ITFG1: variants seen among roughly 807,000 people sequenced by gnomAD.
ITFG1 encodes T-cell immunomodulatory protein.
Under a neutral mutation model 81.8 loss-of-function variants are expected in ITFG1, and 34 were observed. That is an observed-to-expected ratio of 0.42 (90% CI 0.32 to 0.55). The LOEUF (loss-of-function observed/expected upper bound fraction) is 0.55, where lower values mean the gene tolerates loss of function less well. Among genes scored for constraint, ITFG1 ranks in the 20% least tolerant of loss-of-function variants. ITFG1 has a pLI of 0.17. For synonymous variants in ITFG1, 285 were observed against 270.6 expected (o/e 1.05, Z -0.52); for missense variants, 672 against 755.4 (o/e 0.89, Z 1.29).
At chr16:47,195,649 C>T (rs1267483770) in intron 14 of ITFG1, among the ~76,000 whole-genome samples, 1 of 152,172 alleles carries the variant, frequency 6.6e-6, no homozygotes, top group Non-Finnish European at 1.5e-5. Flanking sequence ...ATTTCTTGAT[C>T]AATGTCCTCA....
intron 12 of ITFG1, among the ~76,000 whole-genome samples, chr16:47,242,333 CA>C (rs60088139): frequency 1.0e-3 from 131 of 131,072 alleles, no homozygotes; most frequent in East Asian, 7.1e-3. Context: ...TGCAAATAAT[CA>C]AAAAAAAAAA....
chr16:47,223,482 T>C (rs1467189846), intron 13 of ITFG1, among the ~76,000 whole-genome samples: 5 of 152,306 alleles, frequency 3.3e-5, no homozygotes, highest in African/African-American at 4.8e-5. Flanking sequence ...CATCACTGGC[T>C]ATCAGAGAAA....
chr16:47,364,630 T>C (rs1030492640), intron 8 of ITFG1, among the ~76,000 whole-genome samples: 4 of 152,194 alleles, frequency 2.6e-5, no homozygotes, highest in Admixed American at 2.0e-4. Context: ...CATTAAAAAC[T>C]GTAAAGGCAA....
rs1227714189 is a variant in ITFG1, at chr16:47,352,342, G to A, written c.802+13446C>T. Among the ~76,000 whole-genome samples the A allele has an allele frequency of 2.6e-5, 4 of 152,070 alleles. No homozygotes were observed. The East Asian group carries it at 7.7e-4, about 29-fold the overall frequency. ...AGGGGTAATATCCCAAATCTACAAT[G>A]AACTCAAACAAATTTACAAGGAAAA... On this transcript the variant is annotated intron_variant, in intron 8 of 17. Coordinates refer to ENST00000320640, the MANE Select transcript of ITFG1 (RefSeq NM_030790.5).
intron 6 of ITFG1, among the ~76,000 whole-genome samples, chr16:47,412,123 C>T (rs1301454987): frequency 2.6e-5 from 4 of 152,094 alleles, no homozygotes; most frequent in Non-Finnish European, 5.9e-5. Flanking sequence ...ATCCAAACAA[C>T]AGCAAATTCA....
chr16:47,293,696 T>G (rs2151556063), intron 10 of ITFG1, among the ~76,000 whole-genome samples: 1 of 152,176 alleles, frequency 6.6e-6, no homozygotes, highest in Admixed American at 6.5e-5. Context: ...TTAAATGGGG[T>G]TACTTGTATT....
intron 5 of ITFG1, chr16:47,449,091 T>G (rs973184626): frequency 6.6e-6 from 1 of 152,198 alleles, no homozygotes; most frequent in Admixed American, 6.5e-5. Flanking sequence ...TATCTCAGAT[T>G]TGCATGTCTG....
intron 5 of ITFG1, among the ~76,000 whole-genome samples, chr16:47,445,354 A>G (rs1969311772): frequency 6.6e-6 from 1 of 152,024 alleles, no homozygotes; most frequent in South Asian, 2.1e-4. Flanking sequence ...TGTAAGGAAG[A>G]CAGCATTCTC....
upstream of ITFG1, chr16:47,461,143 G>T: frequency 8.2e-7 from 1 of 1,219,542 alleles, no homozygotes; most frequent in Non-Finnish European, 1.1e-6. Context: ...GCAGCCCCGG[G>T]ACGCGTAAGA....
intron 10 of ITFG1, among the ~76,000 whole-genome samples, chr16:47,280,038 A>T (rs571239632): frequency 1.3e-5 from 2 of 152,120 alleles, no homozygotes; most frequent in South Asian, 4.2e-4. Context: ...AATTTTCTAC[A>T]CCAACAATCA....
intron 8 of ITFG1, among the ~76,000 whole-genome samples, chr16:47,355,843 G>A (rs980158527): frequency 6.7e-6 from 1 of 148,178 alleles, no homozygotes; most frequent in Non-Finnish European, 1.5e-5. Flanking sequence ...TTTTTGAGAT[G>A]GATGACTTGG....
intron 13 of ITFG1, among the ~76,000 whole-genome samples, chr16:47,220,799 A>G (rs1965681432): frequency 6.6e-6 from 1 of 152,148 alleles, no homozygotes; most frequent in Admixed American, 6.5e-5. Flanking sequence ...GTGTAGAATC[A>G]CTTCTGGAAT....
At chr16:47,440,403 A>G (rs1044014796) in intron 5 of ITFG1, among the ~76,000 whole-genome samples, 3 of 152,190 alleles carry the variant, frequency 2.0e-5, no homozygotes, top group Non-Finnish European at 4.4e-5. Flanking sequence ...GCATCACACC[A>G]CACATATTCC....
intron 10 of ITFG1, among the ~76,000 whole-genome samples, chr16:47,293,806 TTTG>T (rs1966945765): frequency 2.6e-5 from 4 of 152,102 alleles, no homozygotes. Flanking sequence ...TTTCTCCCAT[TTTG>T]CCAGCTGGTC....
At chr16:47,207,287 T>C (rs1177924078) in intron 14 of ITFG1, among the ~76,000 whole-genome samples, 1 of 152,164 alleles carries the variant, frequency 6.6e-6, no homozygotes, top group Non-Finnish European at 1.5e-5. Flanking sequence ...GGTTTCACCG[T>C]GTTAGCCAGG....
At chr16:47,323,422 G>C (rs1034708186) in intron 8 of ITFG1, among the ~76,000 whole-genome samples, 4 of 152,278 alleles carry the variant, frequency 2.6e-5, no homozygotes, top group Middle Eastern at 3.4e-3. Flanking sequence ...TCTCTGTGCT[G>C]CCTTGGGATT....
At chr16:47,287,223 T>C (rs1389145806) in intron 10 of ITFG1, among the ~76,000 whole-genome samples, 1 of 152,106 alleles carries the variant, frequency 6.6e-6, no homozygotes, top group Non-Finnish European at 1.5e-5. Context: ...ATGTTCTCTA[T>C]TTAAATATAT....
intron 14 of ITFG1, among the ~76,000 whole-genome samples, chr16:47,187,241 C>T (rs1965231934): frequency 1.3e-5 from 2 of 152,146 alleles, no homozygotes; most frequent in Admixed American, 1.3e-4. Context: ...TGACTTTCTT[C>T]ACAGAATTGG....
chr16:47,369,678 C>A (rs1002449935), intron 7 of ITFG1, among the ~76,000 whole-genome samples: 1 of 151,914 alleles, frequency 6.6e-6, no homozygotes, highest in African/African-American at 2.4e-5. Context: ...TTTTTTTATA[C>A]TGTACTATTT....
Sources: gnomAD v4.1 joint callset for allele counts (sites outside exome capture counted in the v4.1 genomes callset) on GRCh38, gnomAD v4.1.1 for gene constraint, MANE v1.5 for transcripts, NCBI Gene and HGNC (gene_info 2026-07-23, HGNC 2026-07-21) for gene names.